Variants in TMEM126B observed in about 807,000 individuals in gnomAD.
TMEM126B encodes the protein transmembrane protein 126B, also known as complex I assembly factor TMEM126B, mitochondrial.
Under a neutral mutation model 16.5 loss-of-function variants are expected in TMEM126B, and 19 were observed. The observed-to-expected ratio is 1.15, with a 90% CI of 0.80 to 1.69. The LOEUF is 1.69. Among genes scored for constraint, TMEM126B ranks in the 40% most tolerant of loss-of-function variants. TMEM126B has a pLI of 0.00. For missense variants in TMEM126B, 293 were observed against 278.7 expected (o/e 1.05, Z -0.37); for synonymous variants, 104 against 93.2 (o/e 1.12, Z -0.67).
intron 2 of TMEM126B, among the ~76,000 whole-genome samples, chr11:85,633,862 A>G (rs1185943391): frequency 6.6e-6 from 1 of 152,228 alleles, no homozygotes; most frequent in African/African-American, 2.4e-5. Context: ...TAGAAAGAGA[A>G]TCATGTCCTC....
chr11:85,633,981 C>A, intron 2 of TMEM126B, 105 bp from the exon 3 acceptor site: 1 of 741,116 alleles, frequency 1.3e-6, no homozygotes, highest in Non-Finnish European at 2.2e-6. Flanking sequence ...ATAGTAAGTG[C>A]TCAAGAAATA....
chr11:85,633,240 G>A (rs2082337964), intron 2 of TMEM126B, among the ~76,000 whole-genome samples: 1 of 152,082 alleles, frequency 6.6e-6, no homozygotes, highest in Admixed American at 6.6e-5. Context: ...CTTTGCTATT[G>A]TGAATAGTGC....
intron 1 of TMEM126B, chr11:85,631,076 T>G: frequency 8.6e-7 from 1 of 1,166,034 alleles, no homozygotes; most frequent in Non-Finnish European, 1.1e-6. Flanking sequence ...CCTGGAGCAG[T>G]GTCCCTCTTT....
chr11:85,635,146 G>C (rs2082374768), intron 3 of TMEM126B: 1 of 152,338 alleles, frequency 6.6e-6, no homozygotes. Context: ...TTTCTGGCTG[G>C]GCACGGTGGC....
At chr11:85,629,476 A>T (rs1301532133) in intron 1 of TMEM126B, among the ~76,000 whole-genome samples, 1 of 152,164 alleles carries the variant, frequency 6.6e-6, no homozygotes, top group African/African-American at 2.4e-5. Context: ...TAAGCACTCA[A>T]ATATTTCCTG....
At chr11:85,630,861 C>A (rs924490299) in intron 1 of TMEM126B, among the ~76,000 whole-genome samples, 1 of 152,150 alleles carries the variant, frequency 6.6e-6, no homozygotes, top group Non-Finnish European at 1.5e-5. Context: ...GTCAGGAGTT[C>A]GAGACCAGCC....
intron 1 of TMEM126B, among the ~76,000 whole-genome samples, 182 bp downstream of exon 1, chr11:85,628,870 C>T (rs1332202346): frequency 6.6e-6 from 1 of 152,216 alleles, no homozygotes; most frequent in Middle Eastern, 3.2e-3. Flanking sequence ...ACGTAGATGA[C>T]CTAAATTCTA....
At chr11:85,635,822 T>A in intron 4 of TMEM126B, 44 bp downstream of exon 4, 25 of 198,620 alleles carry the variant, frequency 1.3e-4, no homozygotes, top group Non-Finnish European at 1.9e-4. Flanking sequence ...TTTTCTTTTC[T>A]TTTTTTTTTT....
rs1200278868 is a variant in TMEM126B, at chr11:85,631,473, T to TA, written c.82-208dup. Among the ~76,000 whole-genome samples the TA allele has an allele frequency of 3.3e-5, 5 of 152,168 alleles. No individual in the cohort carries two copies. In the East Asian group the frequency reaches 9.6e-4, roughly 29 times the overall value. ...TATTGTAGGATGTTTAGCAAGAAAA[T>TA]AAAAAATAATAACAAAAAGCCAATG... On this transcript the variant is annotated intron_variant, in intron 1 of 4. Coordinates refer to ENST00000358867, the MANE Select transcript of TMEM126B (RefSeq NM_018480.7).
At chr11:85,632,111 C>T (rs2082311498) in intron 2 of TMEM126B, among the ~76,000 whole-genome samples, 1 of 152,020 alleles carries the variant, frequency 6.6e-6, no homozygotes, top group Non-Finnish European at 1.5e-5. Context: ...TAGGAGAAAA[C>T]CATTGAGGGG....
chr11:85,628,745 C>A, intron 1 of TMEM126B, 57 bp downstream of exon 1: 2 of 1,468,150 alleles, frequency 1.4e-6, no homozygotes. Flanking sequence ...AAAGTGTTGG[C>A]AGACTCTTCT....
At chr11:85,630,032 A>G (rs1305457813) in intron 1 of TMEM126B, among the ~76,000 whole-genome samples, 1 of 152,210 alleles carries the variant, frequency 6.6e-6, no homozygotes, top group African/African-American at 2.4e-5. Flanking sequence ...GGAACTGTGT[A>G]TAATGAACTG....
At chr11:85,631,945 C>T (rs2082308168) in intron 2 of TMEM126B, 137 bp downstream of exon 2, 2 of 806,458 alleles carry the variant, frequency 2.5e-6, no homozygotes, top group Admixed American at 7.6e-5. Flanking sequence ...ATGAAGAACA[C>T]ATCTTTAAAA....
At chr11:85,632,583 A>G (rs2153306564) in intron 2 of TMEM126B, among the ~76,000 whole-genome samples, 1 of 152,208 alleles carries the variant, frequency 6.6e-6, no homozygotes, top group South Asian at 2.1e-4. Flanking sequence ...GAAGTTTTAT[A>G]AATCTTGGAC....
chr11:85,631,765 A>G lies in TMEM126B; in HGVS notation c.160A>G (p.Ile54Val), dbSNP rs1397905494. 2 of 1,612,858 alleles carry G rather than the reference A, an allele frequency of 1.2e-6. No individual in the cohort carries two copies. Among genetic ancestry groups the G allele is most frequent in the Admixed American group, 1.7e-5 (1 of 59,666 alleles). The part of the protein sequence containing the change: ...EDAKLRRPMV[I>V]EIIEKNFDYL... Reference sequence around the variant, plus strand: ...TGCAAAACTCAGAAGACCAATGGTCATAGAAATCATAGAAAAAAATTTTGA... The same window carrying G: ...TGCAAAACTCAGAAGACCAATGGTCGTAGAAATCATAGAAAAAAATTTTGA... The change falls in exon 2 of 5, where the codon ATA (isoleucine) becomes GTA (valine). Residue 54 changes from isoleucine (I) to valine (V), a missense_variant. Physicochemically the swap from Ile to Val is conservative, Grantham distance 29. Coordinates refer to ENST00000358867, the MANE Select transcript of TMEM126B (RefSeq NM_018480.7).
chr11:85,634,863 C>T (rs2153308841), intron 3 of TMEM126B: 1 of 152,554 alleles, frequency 6.6e-6, no homozygotes, highest in Non-Finnish European at 1.5e-5. Flanking sequence ...CCCAGGGAGA[C>T]CTCTGATTGC....
chr11:85,633,748 A>G (rs2082348386), intron 2 of TMEM126B, among the ~76,000 whole-genome samples: 1 of 152,130 alleles, frequency 6.6e-6, no homozygotes, highest in South Asian at 2.1e-4. Flanking sequence ...GTATTCTTGG[A>G]TTTGGGTAGC....
Position 85,631,741 on chromosome 11 carries a change from GC to G in TMEM126B, c.137del (p.Ala46GlufsTer9), listed in dbSNP as rs764565613. ...TCAGCCCAGTCCTTCTCTAGAAGAT[GC>G]AAAACTCAGAAGACCAATGGTCATA... ...HGQPSPSLED[A>X]KLRRPMVIEI... On this transcript the variant is annotated frameshift_variant, in exon 2 of 5. Coordinates refer to ENST00000358867, the MANE Select transcript of TMEM126B (RefSeq NM_018480.7). LOFTEE classifies it high-confidence loss of function. The G allele has an allele frequency of 2.5e-5, 40 of 1,613,282 alleles. No homozygotes were observed. In the Admixed American group the frequency reaches 6.0e-4, roughly 24 times the overall value.
chr11:85,632,896 C>T (rs1053334132), intron 2 of TMEM126B, among the ~76,000 whole-genome samples: 1 of 152,034 alleles, frequency 6.6e-6, no homozygotes, highest in Non-Finnish European at 1.5e-5. Flanking sequence ...TGGTGTGCTG[C>T]ACCCATTAAC....
Sources: allele counts gnomAD v4.1 joint callset (sites outside exome capture counted in the v4.1 genomes callset), GRCh38; gene constraint gnomAD v4.1.1; transcripts MANE v1.5; gene names NCBI Gene and HGNC (gene_info 2026-07-23, HGNC 2026-07-21).